DLGAP1: variants seen among roughly 807,000 people sequenced by gnomAD.
DLGAP1 encodes the protein DLG associated protein 1, also known as disks large-associated protein 1.
A neutral mutation model predicts 90.8 loss-of-function variants in DLGAP1; 11 were observed. That is an observed-to-expected ratio of 0.12 (90% confidence interval 0.08 to 0.20). The LOEUF (loss-of-function observed/expected upper bound fraction) is 0.20, where lower values mean the gene tolerates loss of function less well. Ranked by LOEUF, DLGAP1 falls within the 10% of genes least tolerant of loss-of-function variation. The pLI, the probability that DLGAP1 is intolerant of heterozygous loss-of-function variation, is 1.00. For synonymous variants in DLGAP1, 558 were observed against 540.7 expected, an observed-to-expected ratio of 1.03 and a Z score of -0.44; for missense variants, 1,050 against 1,333.8, an observed-to-expected ratio of 0.79 and a Z score of 3.31.
Position 4,214,203 on chromosome 18 carries a change from A to G in DLGAP1, c.-266-62916T>C, listed in dbSNP as rs143989149. ...GAAGAGAAGGGAGTATCAAAGACAA[A>G]AAGAAAGTGAGGGAAACTGAGGAAC... On this transcript the variant is annotated intron_variant, in intron 1 of 12. Transcript: ENST00000315677. 6.9e-3 allele frequency among the ~76,000 whole-genome samples: 1,049 copies of G among 152,242 alleles called. 11 individuals are homozygous for G. Among genetic ancestry groups the G allele is most frequent in the African/African-American group, 0.024 (1,006 of 41,542 alleles).
chr18:3,733,969 A>T (rs2062542100), intron 6 of DLGAP1, among the ~76,000 whole-genome samples: 1 of 152,204 alleles, frequency 6.6e-6, no homozygotes, highest in African/African-American at 2.4e-5. Context: ...GAAATTCTTT[A>T]AAGTCTTGTA....
intron 1 of DLGAP1, among the ~76,000 whole-genome samples, chr18:4,322,869 G>T (rs1434243980): frequency 6.9e-6 from 1 of 144,174 alleles, no homozygotes; most frequent in Non-Finnish European, 1.5e-5. Context: ...GCTGAGACAG[G>T]AGACTGGCAT....
At chr18:4,345,113 C>T (rs1312364343) in intron 1 of DLGAP1, among the ~76,000 whole-genome samples, 1 of 152,090 alleles carries the variant, frequency 6.6e-6, no homozygotes, top group Non-Finnish European at 1.5e-5. Flanking sequence ...AAGATAAGTC[C>T]GTGTCATGGC....
At chr18:4,183,072 C>T (rs1025758739) in intron 1 of DLGAP1, among the ~76,000 whole-genome samples, 4 of 152,076 alleles carry the variant, frequency 2.6e-5, no homozygotes, top group Non-Finnish European at 4.4e-5. Flanking sequence ...GCTACCAAAA[C>T]AGACCATCAG....
chr18:3,693,375 C>T (rs1191808125), intron 7 of DLGAP1, among the ~76,000 whole-genome samples: 1 of 152,204 alleles, frequency 6.6e-6, no homozygotes, highest in Non-Finnish European at 1.5e-5. Flanking sequence ...GGATTACAGG[C>T]ATCAGCCATA....
intron 10 of DLGAP1, among the ~76,000 whole-genome samples, chr18:3,533,188 G>A (rs956111213): frequency 6.6e-6 from 1 of 152,208 alleles, no homozygotes; most frequent in African/African-American, 2.4e-5. Flanking sequence ...CTACTTGGGA[G>A]GTCAAGGCTG....
intron 7 of DLGAP1, among the ~76,000 whole-genome samples, chr18:3,656,728 T>G (rs564238417): frequency 1.3e-5 from 2 of 151,918 alleles, no homozygotes; most frequent in East Asian, 3.9e-4. Context: ...TATGCACCTT[T>G]GCAGTGAATT....
intron 10 of DLGAP1, among the ~76,000 whole-genome samples, chr18:3,519,452 T>C (rs1238734868): frequency 6.6e-6 from 1 of 152,192 alleles, no homozygotes; most frequent in Admixed American, 6.5e-5. Context: ...CTGAATCTTA[T>C]CCATTCTCAA....
chr18:3,550,436 G>A (rs2053322527), intron 9 of DLGAP1, among the ~76,000 whole-genome samples: 1 of 152,002 alleles, frequency 6.6e-6, no homozygotes, highest in Non-Finnish European at 1.5e-5. Flanking sequence ...ATTTTGCTTA[G>A]GCTGGTCTGG....
intron 1 of DLGAP1, among the ~76,000 whole-genome samples, chr18:4,297,747 CCTCTCTCTCTCTCAAT>C (rs2080018405): frequency 6.6e-6 from 1 of 151,502 alleles, no homozygotes; most frequent in Non-Finnish European, 1.5e-5. Flanking sequence ...ATTAATTTCT[CCTCTCTCTCTCTCAAT>C]CTCTCTCTCT....
chr18:3,506,134 A>T (rs1316965592), intron 11 of DLGAP1, among the ~76,000 whole-genome samples: 1 of 152,052 alleles, frequency 6.6e-6, no homozygotes, highest in Non-Finnish European at 1.5e-5. Flanking sequence ...GCTACTTGGG[A>T]GGCTGAGGCA....
intron 1 of DLGAP1, among the ~76,000 whole-genome samples, chr18:4,267,723 G>T (rs1299523693): frequency 1.3e-5 from 2 of 152,188 alleles, no homozygotes; most frequent in African/African-American, 4.8e-5. Flanking sequence ...CTGCAGTGAA[G>T]CTGTCAGCTG....
intron 6 of DLGAP1, among the ~76,000 whole-genome samples, chr18:3,733,688 T>C (rs186148167): frequency 2.0e-5 from 3 of 152,330 alleles, no homozygotes; most frequent in East Asian, 1.9e-4. Context: ...TTAGAGCTCA[T>C]TGTCTAGTAC....
intron 1 of DLGAP1, among the ~76,000 whole-genome samples, chr18:4,237,130 T>C (rs932240291): frequency 6.6e-6 from 1 of 152,208 alleles, no homozygotes; most frequent in Non-Finnish European, 1.5e-5. Flanking sequence ...AATGACTGTG[T>C]GTGCCTTTCT....
intron 1 of DLGAP1, among the ~76,000 whole-genome samples, chr18:4,235,719 CTTTTTTTTT>C (rs1175101805): frequency 3.7e-4 from 30 of 80,254 alleles, no homozygotes; most frequent in African/African-American, 6.1e-4. Flanking sequence ...ATTTCAATGT[CTTTTTTTTT>C]TTTTTTTTTT....
At chr18:4,045,777 A>G (rs2075044330) in intron 2 of DLGAP1, among the ~76,000 whole-genome samples, 1 of 145,808 alleles carries the variant, frequency 6.9e-6, no homozygotes, top group Admixed American at 7.2e-5. Flanking sequence ...TAAAAGGTTA[A>G]TCTTTAAAAC....
chr18:3,539,077 T>C (rs2052542390), intron 9 of DLGAP1, among the ~76,000 whole-genome samples: 1 of 152,238 alleles, frequency 6.6e-6, no homozygotes. Context: ...ATCAATTAAG[T>C]TCCTTAAGCA....
chr18:3,787,023 T>C (rs2065482360), intron 5 of DLGAP1, among the ~76,000 whole-genome samples: 1 of 152,064 alleles, frequency 6.6e-6, no homozygotes. Flanking sequence ...AAACCCATCA[T>C]GGGAGAATTA....
chr18:3,520,812 C>G (rs184522291), intron 10 of DLGAP1, among the ~76,000 whole-genome samples: 4 of 152,218 alleles, frequency 2.6e-5, no homozygotes, highest in African/African-American at 9.7e-5. Flanking sequence ...GGGCAGCATG[C>G]CTTCGCTCTC....
Sources: allele counts gnomAD v4.1 joint callset (sites outside exome capture counted in the v4.1 genomes callset), GRCh38; gene constraint gnomAD v4.1.1; transcripts MANE v1.5; gene names NCBI Gene and HGNC (gene_info 2026-07-23, HGNC 2026-07-21).